The following MUC4 variants were observed in gnomAD, a reference collection of about 807,000 sequenced individuals.
The protein encoded by MUC4 is mucin 4, cell surface associated, also known as mucin-4.
In MUC4, 202 loss-of-function variants were observed where a neutral mutation model predicts 257.9. That is an observed-to-expected ratio of 0.78 (90% confidence interval 0.70 to 0.88). The LOEUF (loss-of-function observed/expected upper bound fraction) is 0.88. Among genes scored for constraint, MUC4 ranks in the 40% least tolerant of loss-of-function variants. The probability of loss-of-function intolerance (pLI) is 0.00; values close to 1 mark genes in which losing one functional copy is unlikely to be tolerated. For synonymous variants in MUC4, 2,351 were observed against 2,757.1 expected, an observed-to-expected ratio of 0.85 and a Z score of 4.62; for missense variants, 5,976 against 6,513.7, an observed-to-expected ratio of 0.92 and a Z score of 2.84.
rs774278772 is a variant in MUC4 at position 195,788,695 on chromosome 3, G to A, written c.2885C>T (p.Ser962Phe). The A allele has an allele frequency of 2.5e-6, 4 of 1,612,740 alleles. No homozygotes were observed. Among genetic ancestry groups the A allele is most frequent in the Non-Finnish European group, 3.4e-6 (4 of 1,179,696 alleles). The change falls in exon 2 of 25, where the codon TCT (serine) becomes TTT (phenylalanine). Residue 962 changes from serine (S) to phenylalanine (F), a missense_variant. Physicochemically the swap from Ser to Phe is radical, Grantham distance 155. Transcript: ENST00000463781. The part of the protein sequence containing the change: ...TETHTLSPSG[S>F]GKTFTTALIS... ...GAGGGCCGTGGTGAAGGTTTTACCA[G>A]ACCCTGAAGGTGACAGAGTGTGGGT...
chr3:195,752,304 G>A (rs568059805), intron 21 of MUC4, 69 bp downstream of exon 21: 26 of 1,371,546 alleles, frequency 1.9e-5, no homozygotes, highest in Non-Finnish European at 2.5e-5. Context: ...GCCGCACAGC[G>A]ATGGTTCCGC....
In MUC4 at chr3:195,770,284, T is replaced by C; in HGVS notation, c.13330A>G (p.Lys4444Glu). 1 of 1,614,070 alleles carries C rather than the reference T, an allele frequency of 6.2e-7. No homozygotes were observed. Among genetic ancestry groups the C allele is most frequent in the Non-Finnish European group, 8.5e-7 (1 of 1,179,984 alleles). ...IRKMTNNGGY[K>E]ARWALKVTWV... is the part of the protein sequence containing the mutation. The stretch of plus-strand genomic sequence containing the variant: ...GTGACCTTTAGGGCCCACCTGGCCT[T>C]GTAGCCCCCGTTGTTTGTCATCTTT... The change falls in exon 6 of 25, where the codon AAG becomes GAG. Residue 4444 changes from lysine (K) to glutamate (E), a missense_variant. Transcript: ENST00000463781.
chr3:195,774,075 C>A, intron 4 of MUC4, 97 bp downstream of exon 4: 1 of 1,393,602 alleles, frequency 7.2e-7, no homozygotes, highest in African/African-American at 1.5e-5. Flanking sequence ...CCAGCCAAGG[C>A]TGCTTCCATT....
In MUC4 at chr3:195,778,473, C is replaced by A; in HGVS notation, c.12791-18G>T. On this transcript the variant is annotated intron_variant, in intron 2 of 24. Coordinates refer to ENST00000463781, the MANE Select transcript of MUC4 (RefSeq NM_018406.7). ...TGTCATTCCTGGACACGTGAAAAGA[C>A]AAGGCGGGGTGTTTCTTACAGTAAC... 1 of 1,610,180 alleles carries A rather than the reference C, an allele frequency of 6.2e-7. No individual in the cohort carries two copies. Among genetic ancestry groups the A allele is most frequent in the Non-Finnish European group, 8.5e-7 (1 of 1,179,090 alleles).
At chr3:195,798,995 C>T (rs866429828) in intron 1 of MUC4, among the ~76,000 whole-genome samples, 1 of 152,094 alleles carries the variant, frequency 6.6e-6, no homozygotes, top group Non-Finnish European at 1.5e-5. Context: ...TGGTGGCCTC[C>T]TTCCTAACAA....
Position 195,786,524 on chromosome 3 carries a change from G to GT in MUC4, c.5055_5056insA (p.Leu1686ThrfsTer8), listed in dbSNP as rs1560376911. ...GTGTCATCTGTGGTAGCTGAGGAAA[G>GT]GCCGGTGACAGGAAGAGGGGTGGCG... On this transcript the variant is annotated frameshift_variant, in exon 2 of 25. Coordinates refer to ENST00000463781, the MANE Select transcript of MUC4 (RefSeq NM_018406.7). LOFTEE classifies it high-confidence loss of function. 7 of 1,078,860 alleles carry GT rather than the reference G, an allele frequency of 6.5e-6. 1 individual carries two copies. The highest frequency in any genetic ancestry group is 5.9e-4 in the Middle Eastern group (2 of 3,402). The allele number at this position is 1,078,860 out of a possible 1,614,324, so 66.8% of individuals were successfully genotyped here.
chr3:195,778,594 C>T lies in MUC4; in HGVS notation c.12791-139G>A, dbSNP rs1725570352. 2.1e-5 allele frequency: 28 copies of T among 1,311,660 alleles called. No individual in the cohort carries two copies. In the East Asian group the frequency reaches 2.2e-4, roughly 10 times the overall value. The allele number at this position is 1,311,660 out of a possible 1,614,324, so 81.3% of individuals were successfully genotyped here. A position where few individuals can be genotyped will look rare whatever the true frequency, so the allele number is the denominator to read the frequency against. Reference sequence around the variant, plus strand: ...CCCCTGCTCATATCCAAACTACTCTCGACATCAGTGCTTTTCGATTGCGGC... The same window carrying T: ...CCCCTGCTCATATCCAAACTACTCTTGACATCAGTGCTTTTCGATTGCGGC... On this transcript the variant is annotated intron_variant, in intron 2 of 24. Coordinates refer to ENST00000463781, the MANE Select transcript of MUC4 (RefSeq NM_018406.7).
At chr3:195,759,986 TAGAG>T (rs1718449851) in intron 16 of MUC4, among the ~76,000 whole-genome samples, 1 of 129,694 alleles carries the variant, frequency 7.7e-6, no homozygotes, top group African/African-American at 2.7e-5. Flanking sequence ...TGTCCAGAAA[TAGAG>T]AGGGAGTGAA....
In MUC4 at chr3:195,788,202, A is replaced by G. The variant is rs772577029; in HGVS notation, c.3378T>C (p.Thr1126=). Reference sequence around the variant, plus strand: ...TGGCGTGACCTGTGGATGCTGAGGAAGTGTCGGTGACAGGAAGAGGGGTGG... The same window carrying G: ...TGGCGTGACCTGTGGATGCTGAGGAGGTGTCGGTGACAGGAAGAGGGGTGG... ...GHTTPLPVTD[T]SSASTGHATS... The change falls in exon 2 of 25, where the codon ACT becomes ACC. Residue 1126 remains threonine (T), a synonymous_variant. Transcript: ENST00000463781. 1 of 1,469,230 alleles carries G rather than the reference A, an allele frequency of 6.8e-7. No individual in the cohort carries two copies. Among genetic ancestry groups the G allele is most frequent in the African/African-American group, 1.5e-5 (1 of 68,138 alleles). 91.0% of individuals were successfully genotyped at this position (1,469,230 alleles called of 1,614,324 possible).
chr3:195,781,318 T>C lies in MUC4; in HGVS notation c.10262A>G (p.His3421Arg), dbSNP rs769539811. ...VTSPSSASTGHATPLPVTSTS... is the reference protein window; with the variant it reads ...VTSPSSASTGRATPLPVTSTS... The stretch of plus-strand genomic sequence containing the variant: ...GCTGGTGACAGGAAGAGGGGTGGCG[T>C]GACCTGTGGATGCTGAGGAAGGGCT... Residue 3421 changes from histidine to arginine, a missense_variant, in exon 2 of 25, where the codon CAC becomes CGC. His to Arg is a conservative substitution (Grantham distance 29). Around this residue, in one of 44 missense-constraint regions of MUC4, gnomAD observed 297 missense variants for 240.9 expected, o/e 1.23. Coordinates refer to ENST00000463781, the MANE Select transcript of MUC4 (RefSeq NM_018406.7). 9.1e-6 allele frequency: 13 copies of C among 1,431,250 alleles called. No individual in the cohort carries two copies. In the South Asian group the frequency reaches 1.7e-4, roughly 19 times the overall value. 88.7% of individuals were successfully genotyped at this position (1,431,250 alleles called of 1,614,324 possible).
At position 195,780,365 on chromosome 3, in the gene MUC4, T is replaced by C. The variant is rs537603063; in HGVS notation, c.11215A>G (p.Thr3739Ala). Residue 3739 changes from threonine to alanine, a missense_variant, in exon 2 of 25, where the codon ACA (threonine) becomes GCA (alanine). Transcript: ENST00000463781. ...ACAGGAAGAGGGGTGACGTGACCTG[T>C]GGATGCTGAGGAAGGGCTGGTGACA... The part of the protein sequence containing the change: ...LHVTSPSSAS[T>A]GHVTPLPVTS... The C allele has an allele frequency of 7.1e-7, 1 of 1,417,564 alleles. No individual in the cohort carries two copies. Among genetic ancestry groups the C allele is most frequent in the Non-Finnish European group, 9.6e-7 (1 of 1,044,150 alleles). The allele number at this position is 1,417,564 out of a possible 1,614,324, so 87.8% of individuals were successfully genotyped here.
Position 195,811,924 on chromosome 3 carries a change from A to C in MUC4, c.-107T>G. 1 of 1,127,552 alleles carries C rather than the reference A, an allele frequency of 8.9e-7. No homozygotes were observed. Among genetic ancestry groups the C allele is most frequent in the Non-Finnish European group, 1.3e-6 (1 of 782,748 alleles). 69.8% of individuals were successfully genotyped at this position (1,127,552 alleles called of 1,614,324 possible). On this transcript the variant is annotated 5_prime_UTR_variant, in exon 1 of 25. Transcript: ENST00000463781. Reference sequence around the variant, plus strand: ...TCCCCTCAGGCGGCTGGCCCGAACCAAGTGCGTTTCTCCGAAGGGGCCAGG... The same window carrying C: ...TCCCCTCAGGCGGCTGGCCCGAACCCAGTGCGTTTCTCCGAAGGGGCCAGG...
In MUC4 at chr3:195,790,948, G is replaced by C; in HGVS notation, c.632C>G (p.Thr211Ser). ...RSTQTTRESQ[T>S]STLTHRTTST... Reference sequence around the variant, plus strand: ...AGTGGTTCTGTGTGTTAGGGTGCTGGTTTGAGATTCCCTGGTGGTCTGCGT... The same window carrying C: ...AGTGGTTCTGTGTGTTAGGGTGCTGCTTTGAGATTCCCTGGTGGTCTGCGT... Residue 211 changes from threonine to serine, a missense_variant, in exon 2 of 25, where the codon ACC becomes AGC. This residue lies in a region of MUC4 where 1,583 missense variants were observed against 1,257.4 expected (regional missense o/e 1.26). Transcript: ENST00000463781. 6.2e-7 allele frequency: 1 copy of C among 1,613,994 alleles called. No individual in the cohort carries two copies. The highest frequency in any genetic ancestry group is 8.5e-7 in the Non-Finnish European group (1 of 1,179,890).
Position 195,785,130 on chromosome 3 carries a change from AGTTTCG to A in MUC4, c.6444_6449del (p.Glu2149_Thr2150del). 6.9e-7 allele frequency: 1 copy of A among 1,454,806 alleles called. No individual in the cohort carries two copies. The highest frequency in any genetic ancestry group is 9.2e-7 in the Non-Finnish European group (1 of 1,089,344). 90.1% of individuals were successfully genotyped at this position (1,454,806 alleles called of 1,614,324 possible). The stretch of plus-strand genomic sequence containing the variant: ...TGGCGTGACCTGTGGATACTGAGGA[AGTTTCG>A]GTGACAGGAAGAGGGGTGGTGTCAC... On this transcript the variant is annotated inframe_deletion, in exon 2 of 25. Transcript: ENST00000463781.
Position 195,753,113 on chromosome 3 carries a change from G to C in MUC4, c.15446C>G (p.Pro5149Arg). ...LGCQPMCTCPPAFTDSRCFLA... is the reference protein window; with the variant it reads ...LGCQPMCTCPRAFTDSRCFLA... ...GAAGCAGCGGCTGTCAGTGAAGGCT[G>C]GGGGGCAGGTGCACATGGGCTGACA... Residue 5149 changes from proline (P) to arginine (R), a missense_variant, in exon 20 of 25, where the codon CCA (proline) becomes CGA (arginine). This residue lies in a region of MUC4 where 996 missense variants were observed against 1,137.3 expected (regional missense o/e 0.88). Transcript: ENST00000463781. 1 of 1,611,866 alleles carries C rather than the reference G, an allele frequency of 6.2e-7. No individual in the cohort carries two copies. Among genetic ancestry groups the C allele is most frequent in the Non-Finnish European group, 8.5e-7 (1 of 1,179,088 alleles).
Position 195,779,552 on chromosome 3 carries a change from A to G in MUC4, c.12028T>C (p.Ser4010Pro). ...PLPVTSTSSV[S>P]TGHATPLPVT... ...GGAAGAGGGGTGGCGTGACCTGTAG[A>G]TACTGAGGAAGTGCTGGTGACAGGA... is the stretch of plus-strand genomic sequence containing the variant. Residue 4010 changes from serine (S) to proline (P), a missense_variant, in exon 2 of 25, where the codon TCT becomes CCT. Ser to Pro is a moderately conservative substitution (Grantham distance 74). Around this residue, in one of 44 missense-constraint regions of MUC4, gnomAD observed 293 missense variants for 294.5 expected, o/e 1.00. Coordinates refer to ENST00000463781, the MANE Select transcript of MUC4 (RefSeq NM_018406.7). The G allele has an allele frequency of 7.4e-7, 1 of 1,346,580 alleles. No homozygotes were observed. Among genetic ancestry groups the G allele is most frequent in the Non-Finnish European group, 1.0e-6 (1 of 1,001,618 alleles). The allele number at this position is 1,346,580 out of a possible 1,614,324, so 83.4% of individuals were successfully genotyped here.
At position 195,782,686 on chromosome 3, in the gene MUC4, TCGG is replaced by T. The variant is rs1728840956; in HGVS notation, c.8891_8893del (p.Thr2964_Asp2965delinsAsn). Reference sequence around the variant, plus strand: ...GTGACCTGTGGATGCTGAGGAAGTGTCGGTGACAGGAAGAGAGGTGGCGTGACC... The same window carrying T: ...GTGACCTGTGGATGCTGAGGAAGTGTTGACAGGAAGAGAGGTGGCGTGACC... On this transcript the variant is annotated inframe_deletion, in exon 2 of 25. Coordinates refer to ENST00000463781, the MANE Select transcript of MUC4 (RefSeq NM_018406.7). 1.2e-5 allele frequency: 15 copies of T among 1,269,154 alleles called. No homozygotes were observed. In the African/African-American group the frequency reaches 1.8e-4, roughly 15 times the overall value. The allele number at this position is 1,269,154 out of a possible 1,614,324, so 78.6% of individuals were successfully genotyped here.
rs528636895 is a variant in MUC4, at chr3:195,780,922, A to C, written c.10658T>G (p.Leu3553Arg). The change falls in exon 2 of 25, where the codon CTT becomes CGT. Residue 3553 changes from leucine to arginine, a missense_variant. Coordinates refer to ENST00000463781, the MANE Select transcript of MUC4 (RefSeq NM_018406.7). ...TGCCGAGGAAGCGTCGGTGACAGGA[A>C]GAGGGGTGGTGTCACCTGTGGATAC... Reference protein sequence around the residue: ...SSVSTGDTTPLPVTDASSAST... With the variant: ...SSVSTGDTTPRPVTDASSAST... 11 of 1,520,296 alleles carry C rather than the reference A, an allele frequency of 7.2e-6. No individual in the cohort carries two copies. The African/African-American group carries it at 1.2e-4, about 17-fold the overall frequency. The allele number at this position is 1,520,296 out of a possible 1,614,324, so 94.2% of individuals were successfully genotyped here. A position where few individuals can be genotyped will look rare whatever the true frequency, so the allele number is the denominator to read the frequency against.
chr3:195,753,398 G>A, intron 19 of MUC4, 168 bp from the exon 20 acceptor site: 3 of 638,094 alleles, frequency 4.7e-6, no homozygotes, highest in Non-Finnish European at 8.0e-6. Flanking sequence ...TCTCTGCAGG[G>A]CAACCCCTTT....
Sources: gnomAD v4.1 joint callset for allele counts (sites outside exome capture counted in the v4.1 genomes callset) on GRCh38, gnomAD v4.1.1 for gene constraint, gnomAD v4.1.1 regional missense constraint, MANE v1.5 for transcripts, NCBI Gene and HGNC (gene_info 2026-07-23, HGNC 2026-07-21) for gene names.